Variants in PDE12 observed in about 807,000 individuals in gnomAD.
PDE12 encodes the protein phosphodiesterase 12, also known as 2',5'-phosphodiesterase 12.
PDE12 carries 26 observed loss-of-function variants against 45.4 expected under a neutral mutation model. The observed-to-expected ratio is 0.57, with a 90% confidence interval of 0.42 to 0.79. The LOEUF (loss-of-function observed/expected upper bound fraction) is 0.79, where lower values mean the gene tolerates loss of function less well. Ranked by LOEUF, PDE12 falls within the 30% of genes least tolerant of loss-of-function variation. The pLI, the probability that PDE12 is intolerant of heterozygous loss-of-function variation, is 0.00. For missense variants in PDE12, 668 were observed against 790.0 expected (o/e 0.85, Z 1.85); for synonymous variants, 283 against 323.9 (o/e 0.87, Z 1.36).
At chr3:57,641,714 A>G in the PDE12 span, 3 of 1,613,624 alleles carry the variant, frequency 1.9e-6, no homozygotes, top group Non-Finnish European at 1.7e-6. Flanking sequence ...TCTTAGCAAA[A>G]AAAGGGTTGG....
At chr3:57,598,860 A>G in the PDE12 span, among the ~76,000 whole-genome samples, 3 of 152,314 alleles carry the variant, frequency 2.0e-5, no homozygotes, top group Non-Finnish European at 4.4e-5. Context: ...AGATACATGT[A>G]AAGAGTTGCT....
At chr3:57,586,389 C>A in the PDE12 span, among the ~76,000 whole-genome samples, 3 of 152,172 alleles carry the variant, frequency 2.0e-5, no homozygotes, top group African/African-American at 7.2e-5. Context: ...CATTCCTATG[C>A]AAGTAAGTCT....
the PDE12 span, chr3:57,630,588 T>G: frequency 1.3e-6 from 2 of 1,528,652 alleles, no homozygotes; most frequent in Non-Finnish European, 1.8e-6. Flanking sequence ...TCAATACCTT[T>G]CCTAGTCAGA....
the PDE12 span, among the ~76,000 whole-genome samples, chr3:57,590,182 C>T: frequency 6.6e-6 from 1 of 150,680 alleles, no homozygotes; most frequent in Non-Finnish European, 1.5e-5. Context: ...CAGCTAGTAT[C>T]ATAATTAGTG....
At chr3:57,618,484 C>T in the PDE12 span, among the ~76,000 whole-genome samples, 10 of 151,322 alleles carry the variant, frequency 6.6e-5, no homozygotes, top group South Asian at 1.0e-3. Context: ...GTGCATGGTA[C>T]GGTGATGGCT....
chr3:57,557,572 A>G lies in PDE12; in HGVS notation c.1193A>G (p.Asp398Gly). 2 of 1,614,150 alleles carry G rather than the reference A, an allele frequency of 1.2e-6. No homozygotes were observed. Among genetic ancestry groups the G allele is most frequent in the Non-Finnish European group, 1.7e-6 (2 of 1,180,034 alleles). ...KSKFSLLSQH[D>G]ISFYEALESD... ...AAGTTCAGCCTTCTTAGCCAGCATG[A>G]CATTTCATTCTACGAAGCCCTCGAG... The change falls in exon 1 of 3, where the codon GAC becomes GGC. Residue 398 changes from aspartate to glycine, a missense_variant. Transcript: ENST00000311180.
chr3:57,653,695 G>A, the PDE12 span, among the ~76,000 whole-genome samples: 1 of 147,416 alleles, frequency 6.8e-6, no homozygotes, highest in Non-Finnish European at 1.5e-5. Flanking sequence ...GCAGTGAGCC[G>A]AGATCGCACC....
At chr3:57,639,605 A>G in the PDE12 span, among the ~76,000 whole-genome samples, 12 of 152,214 alleles carry the variant, frequency 7.9e-5, no homozygotes, top group Non-Finnish European at 1.5e-4. Flanking sequence ...CTGTATTATC[A>G]TTAATACTCA....
At chr3:57,572,179 C>G in the PDE12 span, 3 of 1,568,632 alleles carry the variant, frequency 1.9e-6, no homozygotes, top group Non-Finnish European at 2.6e-6. Flanking sequence ...CCAATTTTAT[C>G]AAACATGTCC....
chr3:57,636,946 A>G, the PDE12 span, among the ~76,000 whole-genome samples: 3 of 151,860 alleles, frequency 2.0e-5, no homozygotes, highest in African/African-American at 7.3e-5. Flanking sequence ...CAAAAAAAAA[A>G]AAAAAAAAAA....
chr3:57,561,094 A>C lies in PDE12; in HGVS notation c.*1090A>C, dbSNP rs1456871369. On this transcript the variant is annotated 3_prime_UTR_variant, in exon 3 of 3. Coordinates refer to ENST00000311180, the MANE Select transcript of PDE12 (RefSeq NM_177966.7). ...TTTTAGGATGCAAGCACAATTTAGTATTCAAAGTGAGTAGCAACATATTCA... is the reference window on the plus strand; with the variant it reads ...TTTTAGGATGCAAGCACAATTTAGTCTTCAAAGTGAGTAGCAACATATTCA... The C allele has an allele frequency of 2.0e-6, 2 of 983,568 alleles. No individual in the cohort carries two copies. The highest frequency in any genetic ancestry group is 3.5e-5 in the African/African-American group (2 of 57,202). The allele number at this position is 983,568 out of a possible 1,614,324, so 60.9% of individuals were successfully genotyped here. A position where few individuals can be genotyped will look rare whatever the true frequency, so the allele number is the denominator to read the frequency against.
chr3:57,631,050 G>A, the PDE12 span: 1 of 1,448,804 alleles, frequency 6.9e-7, no homozygotes, highest in Non-Finnish European at 9.5e-7. Context: ...TAAAAGGAAT[G>A]GGTCTTTTAA....
At chr3:57,653,941 CTTTTTTTTTTTT>C in the PDE12 span, among the ~76,000 whole-genome samples, 123 of 75,838 alleles carry the variant, frequency 1.6e-3, no homozygotes, top group Non-Finnish European at 2.5e-3. Context: ...TAGAAATTCA[CTTTTTTTTTTTT>C]TTTTTTTTTT....
chr3:57,606,977 C>T, the PDE12 span, among the ~76,000 whole-genome samples: 1 of 152,274 alleles, frequency 6.6e-6, no homozygotes, highest in South Asian at 2.1e-4. Context: ...CCCGAGTAGC[C>T]TAACTCGGAG....
the PDE12 span, among the ~76,000 whole-genome samples, chr3:57,653,389 G>GT: frequency 6.6e-6 from 1 of 152,082 alleles, no homozygotes; most frequent in Non-Finnish European, 1.5e-5. Flanking sequence ...TATCAAAGTT[G>GT]TTTTTTTGGG....
the PDE12 span, among the ~76,000 whole-genome samples, chr3:57,576,460 A>T: frequency 6.6e-6 from 1 of 151,728 alleles, no homozygotes; most frequent in African/African-American, 2.4e-5. Flanking sequence ...ATGCACATTT[A>T]AAAAGGATGA....
the PDE12 span, chr3:57,577,476 A>G: frequency 3.0e-3 from 2,850 of 953,696 alleles, 9 homozygotes; most frequent in Non-Finnish European, 3.9e-3. Flanking sequence ...ACCAATGGTT[A>G]GACATTAGGA....
chr3:57,610,127 G>GA, the PDE12 span, among the ~76,000 whole-genome samples: 1 of 151,990 alleles, frequency 6.6e-6, no homozygotes, highest in African/African-American at 2.4e-5. Context: ...GAACCAAAGA[G>GA]AAAAACCACA....
At position 57,556,625 on chromosome 3, in the gene PDE12, C is replaced by G. The variant is rs771619495; in HGVS notation, c.246C>G (p.Ala82=). The part of the protein sequence containing the change: ...GRVLSRIATN[A]LKGHAKAAAA... ...TCCTCAGCCGCATCGCTACCAATGCCCTAAAGGGTCACGCTAAGGCGGCCG... is the reference window on the plus strand; with the variant it reads ...TCCTCAGCCGCATCGCTACCAATGCGCTAAAGGGTCACGCTAAGGCGGCCG... The change falls in exon 1 of 3, where the codon GCC becomes GCG. Residue 82 remains alanine, a synonymous_variant. Coordinates refer to ENST00000311180, the MANE Select transcript of PDE12 (RefSeq NM_177966.7). The surrounding 1 kb of genome is among the most constrained non-coding windows in gnomAD (Gnocchi z 5.0). 3 of 1,609,060 alleles carry G rather than the reference C, an allele frequency of 1.9e-6. No homozygotes were observed. The highest frequency in any genetic ancestry group is 3.3e-5 in the Admixed American group (2 of 59,900).
Sources: gnomAD v4.1 joint callset for allele counts (sites outside exome capture counted in the v4.1 genomes callset) on GRCh38, gnomAD v4.1.1 for gene constraint, Gnocchi (gnomAD v3.1) non-coding constraint, MANE v1.5 for transcripts, NCBI Gene and HGNC (gene_info 2026-07-23, HGNC 2026-07-21) for gene names.